Variants in NPHP4 observed in about 807,000 individuals in gnomAD.
NPHP4 encodes the protein nephrocystin 4, also known as nephrocystin-4.
In NPHP4, 151 loss-of-function variants were observed where a neutral mutation model predicts 155.8. The observed-to-expected ratio is 0.97, with a 90% CI of 0.85 to 1.11. The LOEUF (loss-of-function observed/expected upper bound fraction) is 1.11, where lower values mean the gene tolerates loss of function less well. Ranked by LOEUF, NPHP4 falls within the 50% of genes least tolerant of loss-of-function variation. The pLI, the probability that NPHP4 is intolerant of heterozygous loss-of-function variation, is 0.00. For synonymous variants in NPHP4, 845 were observed against 816.8 expected, an observed-to-expected ratio of 1.03 and a Z score of -0.59; for missense variants, 1,956 against 1,925.7, an observed-to-expected ratio of 1.02 and a Z score of -0.29.
intron 28 of NPHP4, 129 bp downstream of exon 28, chr1:5,864,209 A>G (rs1398158889): frequency 1.8e-6 from 2 of 1,136,396 alleles, no homozygotes; most frequent in Non-Finnish European, 2.5e-6. Context: ...GCAAACACTC[A>G]TGCACCCGGC....
At chr1:5,952,276 G>A (rs1034629820) in intron 7 of NPHP4, among the ~76,000 whole-genome samples, 1 of 152,198 alleles carries the variant, frequency 6.6e-6, no homozygotes, top group African/African-American at 2.4e-5. Flanking sequence ...TCTGAACATG[G>A]GAAGGGTTCT....
intron 16 of NPHP4, among the ~76,000 whole-genome samples, chr1:5,891,753 A>G (rs1391113890): frequency 6.6e-6 from 1 of 152,074 alleles, no homozygotes; most frequent in Non-Finnish European, 1.5e-5. Context: ...GCCCCCAACG[A>G]GCAGAGGAAG....
intron 16 of NPHP4, among the ~76,000 whole-genome samples, chr1:5,902,121 C>T (rs932257793): frequency 1.3e-5 from 2 of 152,230 alleles, no homozygotes; most frequent in African/African-American, 4.8e-5. Flanking sequence ...CCCCATGCCT[C>T]TCAGGGCAAG....
chr1:5,911,003 A>G (rs1249749036), intron 11 of NPHP4, among the ~76,000 whole-genome samples: 3 of 152,228 alleles, frequency 2.0e-5, no homozygotes, highest in African/African-American at 7.2e-5. Context: ...CTCCTCTGTA[A>G]CCAGCCACAG....
At chr1:5,982,361 T>A (rs901724060) in intron 2 of NPHP4, among the ~76,000 whole-genome samples, 3 of 152,240 alleles carry the variant, frequency 2.0e-5, no homozygotes, top group African/African-American at 7.2e-5. Context: ...TACAGTAATG[T>A]GCCATACAGG....
intron 16 of NPHP4, among the ~76,000 whole-genome samples, chr1:5,898,725 T>C (rs1321286395): frequency 6.6e-6 from 1 of 152,208 alleles, no homozygotes; most frequent in Non-Finnish European, 1.5e-5. Flanking sequence ...TATTCAGGGC[T>C]GGGAATTGGC....
Position 5,905,352 on chromosome 1 carries a change from T to C in NPHP4, c.1895A>G (p.Lys632Arg). ...GCTTTGTAGACAATCTGATTCTTCCTTCTGAGGGTTAAACGTCACAGGTTC... is the reference window on the plus strand; with the variant it reads ...GCTTTGTAGACAATCTGATTCTTCCCTCTGAGGGTTAAACGTCACAGGTTC... ...ATEPVTFNPQ[K>R]EESDCLQSNE... The change falls in exon 15 of 30, where the codon AAG becomes AGG. Residue 632 changes from lysine (K) to arginine (R), a missense_variant. By Grantham distance (26) the Lys-to-Arg change is conservative (BLOSUM62 2). Coordinates refer to ENST00000378156, the MANE Select transcript of NPHP4 (RefSeq NM_015102.5). The surrounding 1 kb of genome is among the most constrained non-coding windows in gnomAD (Gnocchi z 4.0). 6.2e-7 allele frequency: 1 copy of C among 1,613,968 alleles called. No individual in the cohort carries two copies. Among genetic ancestry groups the C allele is most frequent in the Non-Finnish European group, 8.5e-7 (1 of 1,179,836 alleles).
intron 3 of NPHP4, among the ~76,000 whole-genome samples, chr1:5,970,529 G>A (rs1333956774): frequency 2.6e-5 from 4 of 152,028 alleles, no homozygotes; most frequent in East Asian, 1.9e-4. Context: ...AAGGAATGCC[G>A]TAGCACAGTA....
Position 5,866,410 on chromosome 1 carries a change from T to C in NPHP4, c.3607A>G (p.Ser1203Gly). The C allele has an allele frequency of 6.2e-7, 1 of 1,609,428 alleles. No homozygotes were observed. Among genetic ancestry groups the C allele is most frequent in the Non-Finnish European group, 8.5e-7 (1 of 1,177,610 alleles). Residue 1203 changes from serine (S) to glycine (G), a missense_variant, in exon 26 of 30, where the codon AGC (serine) becomes GGC (glycine). Transcript: ENST00000378156. ...ACAAAGAAGTCTTTGATCTCCGGGC[T>C]TGGACCACTGGCCACCTTCAGAAAT... ...DIFLKVASGP[S>G]PEIKDFFVII...
At chr1:5,872,970 C>T (rs930097102) in intron 23 of NPHP4, among the ~76,000 whole-genome samples, 2 of 152,224 alleles carry the variant, frequency 1.3e-5, no homozygotes, top group Non-Finnish European at 2.9e-5. Context: ...CTGTGGCAGC[C>T]ACCACGGGAA....
At chr1:5,898,803 G>A (rs868606620) in intron 16 of NPHP4, among the ~76,000 whole-genome samples, 4 of 152,060 alleles carry the variant, frequency 2.6e-5, no homozygotes, top group Non-Finnish European at 4.4e-5. Flanking sequence ...CTCTGGTGAC[G>A]GGATACGGAA....
chr1:5,909,834 C>G (rs1267524770), intron 11 of NPHP4, among the ~76,000 whole-genome samples: 1 of 152,158 alleles, frequency 6.6e-6, no homozygotes, highest in Admixed American at 6.5e-5. Context: ...AGCTGCCTCC[C>G]AAGCATCCAG....
intron 16 of NPHP4, among the ~76,000 whole-genome samples, chr1:5,901,433 T>C (rs1644676116): frequency 6.6e-6 from 1 of 152,168 alleles, no homozygotes; most frequent in Admixed American, 6.5e-5. Context: ...ATGTAAGAAA[T>C]TGAAATCAGT....
chr1:5,923,843 C>G (rs1190843621), intron 11 of NPHP4, among the ~76,000 whole-genome samples: 1 of 152,132 alleles, frequency 6.6e-6, no homozygotes, highest in Non-Finnish European at 1.5e-5. Context: ...GTATCTGGAG[C>G]CCATCAAAAG....
chr1:5,876,229 G>C (rs1017233945), intron 20 of NPHP4, among the ~76,000 whole-genome samples: 1 of 151,682 alleles, frequency 6.6e-6, no homozygotes, highest in Non-Finnish European at 1.5e-5. Context: ...AGCTGGGAGG[G>C]AGGGAGGAAG....
In NPHP4 at chr1:5,867,253, C is replaced by T. The variant is rs113360880; in HGVS notation, c.3473-138G>A. The T allele has an allele frequency of 1.1e-5, 7 of 645,618 alleles. No individual in the cohort carries two copies. Among genetic ancestry groups the T allele is most frequent in the African/African-American group, 5.4e-5 (3 of 55,378 alleles). 40.0% of individuals were successfully genotyped at this position (645,618 alleles called of 1,614,324 possible). A position where few individuals can be genotyped will look rare whatever the true frequency, so the allele number is the denominator to read the frequency against. On this transcript the variant is annotated intron_variant, in intron 24 of 29. Transcript: ENST00000378156. The surrounding 1 kb of genome is among the most constrained non-coding windows in gnomAD (Gnocchi z 4.1). ...AAGACACCTGCTGGGGAAACGGACG[C>T]CGCCACCTTTCCCAGGACAGCATCC... is the stretch of plus-strand genomic sequence containing the variant.
At chr1:5,904,923 G>A in intron 15 of NPHP4, 119 bp from the exon 16 acceptor site, 1 of 1,001,906 alleles carries the variant, frequency 1.0e-6, no homozygotes. Flanking sequence ...ACAGTAAAGA[G>A]GCTGCCGTGG....
intron 5 of NPHP4, among the ~76,000 whole-genome samples, chr1:5,963,396 A>T (rs554124068): frequency 6.8e-6 from 1 of 146,300 alleles, no homozygotes; most frequent in Admixed American, 6.8e-5. Flanking sequence ...ATCTCAAAAT[A>T]AAAAAAAAAA....
chr1:5,953,094 T>A (rs903618310), intron 6 of NPHP4, among the ~76,000 whole-genome samples: 2 of 144,064 alleles, frequency 1.4e-5, no homozygotes, highest in African/African-American at 4.9e-5. Context: ...ATTTTTTTGT[T>A]TTTCTGCTTG....
Sources: allele counts gnomAD v4.1 joint callset (sites outside exome capture counted in the v4.1 genomes callset), GRCh38; gene constraint gnomAD v4.1.1; non-coding constraint Gnocchi (gnomAD v3.1); transcripts MANE v1.5; gene names NCBI Gene and HGNC (gene_info 2026-07-23, HGNC 2026-07-21).